The following ANPEP variants were observed in gnomAD, a reference collection of about 807,000 sequenced individuals.
ANPEP encodes the protein alanyl aminopeptidase, membrane.
A neutral mutation model predicts 114.6 loss-of-function variants in ANPEP; 70 were observed. The observed-to-expected ratio is 0.61, with a 90% CI of 0.50 to 0.75. The LOEUF is 0.75. Among genes scored for constraint, ANPEP ranks in the 30% least tolerant of loss-of-function variants. The pLI, the probability that ANPEP is intolerant of heterozygous loss-of-function variation, is 0.00. For missense variants in ANPEP, 1,184 were observed against 1,259.5 expected (o/e 0.94, Z 0.91); for synonymous variants, 548 against 522.3 (o/e 1.05, Z -0.67).
At chr15:89,788,631 T>C (rs1175959150) in intron 20 of ANPEP, among the ~76,000 whole-genome samples, 1 of 152,116 alleles carries the variant, frequency 6.6e-6, no homozygotes, top group African/African-American at 2.4e-5. Context: ...GACAGGGTCT[T>C]GCTCTGTCAC....
At chr15:89,804,126 C>T in intron 6 of ANPEP, 124 bp from the exon 7 acceptor site, 1 of 1,548,620 alleles carries the variant, frequency 6.5e-7, no homozygotes, top group Non-Finnish European at 8.8e-7. Flanking sequence ...CATCGTGACC[C>T]CTTCCTGCTG....
At chr15:89,786,088 T>C (rs1304799486) in intron 20 of ANPEP, among the ~76,000 whole-genome samples, 1 of 152,174 alleles carries the variant, frequency 6.6e-6, no homozygotes, top group African/African-American at 2.4e-5. Context: ...AATACACAAA[T>C]ATCAATTGTA....
Position 89,806,286 on chromosome 15 carries a change from G to A in ANPEP, c.298C>T (p.Leu100=), listed in dbSNP as rs145026743. Residue 100 remains leucine, a synonymous_variant, in exon 2 of 21, where the codon CTG becomes TTG. Transcript: ENST00000300060. This position sits in a 1 kb window ranked among gnomAD's most constrained non-coding sequence, Gnocchi z 5.7. The stretch of plus-strand genomic sequence containing the variant: ...GTGCTGGAGCCCTTAAAAACGTACA[G>A]GCCCCTGTCATTGGGGGTGAGGTAC... ...RPYLTPNDRG[L]YVFKGSSTVR... is the part of the protein sequence containing the mutation. 3,735 of 1,614,198 alleles carry A rather than the reference G, an allele frequency of 2.3e-3. 6 individuals are homozygous for A. Among genetic ancestry groups the A allele is most frequent in the Middle Eastern group, 5.8e-3 (35 of 6,062 alleles).
At chr15:89,807,522 AACCCCGTCTCT>A (rs1468872113) in intron 1 of ANPEP, among the ~76,000 whole-genome samples, 1 of 152,116 alleles carries the variant, frequency 6.6e-6, no homozygotes, top group Non-Finnish European at 1.5e-5. Flanking sequence ...AACATGGCGA[AACCCCGTCTCT>A]ACTAAAAATA....
At chr15:89,808,428 A>G (rs1006314983) in intron 1 of ANPEP, among the ~76,000 whole-genome samples, 1 of 152,204 alleles carries the variant, frequency 6.6e-6, no homozygotes, top group Non-Finnish European at 1.5e-5. Flanking sequence ...TGCAGGCCCC[A>G]TGACAGCAGG....
At chr15:89,807,176 C>A (rs978136118) in intron 1 of ANPEP, among the ~76,000 whole-genome samples, 1 of 152,232 alleles carries the variant, frequency 6.6e-6, no homozygotes, top group African/African-American at 2.4e-5. Flanking sequence ...CCCCTCCCTG[C>A]CGCTTCTTGC....
intron 20 of ANPEP, among the ~76,000 whole-genome samples, chr15:89,789,408 C>A (rs16974181): frequency 6.6e-6 from 1 of 151,962 alleles, no homozygotes; most frequent in Non-Finnish European, 1.5e-5. Context: ...TTTGAATATG[C>A]CTTGGGTATA....
chr15:89,795,577 G>A lies in ANPEP; in HGVS notation c.2157+1998C>T, dbSNP rs117283635. 9.9e-3 allele frequency among the ~76,000 whole-genome samples: 1,506 copies of A among 152,272 alleles called. 16 individuals carry two copies. Among genetic ancestry groups the A allele is most frequent in the Non-Finnish European group, 0.012 (830 of 68,030 alleles). On this transcript the variant is annotated intron_variant, in intron 15 of 20. Coordinates refer to ENST00000300060, the MANE Select transcript of ANPEP (RefSeq NM_001150.3). ...ATTCAAATAACTGGAAATAAGAATG[G>A]CTCTGGGCATCGCATCAGCAACATG...
chr15:89,787,996 A>G (rs528535191), intron 20 of ANPEP, among the ~76,000 whole-genome samples: 4 of 152,328 alleles, frequency 2.6e-5, no homozygotes, highest in East Asian at 1.9e-4. Context: ...AAGTGTAGAC[A>G]TGGAGCAATT....
At chr15:89,808,468 C>T (rs1382298311) in intron 1 of ANPEP, among the ~76,000 whole-genome samples, 1 of 152,254 alleles carries the variant, frequency 6.6e-6, no homozygotes, top group Non-Finnish European at 1.5e-5. Flanking sequence ...CAGTGCCTGG[C>T]ACACAGTAGG....
intron 20 of ANPEP, among the ~76,000 whole-genome samples, chr15:89,786,692 CA>C (rs113402047): frequency 2.0e-3 from 243 of 118,882 alleles, no homozygotes; most frequent in East Asian, 2.6e-3. Flanking sequence ...GACCCTTTCT[CA>C]AAAAAAAAAA....
rs1242225055 is a variant in ANPEP, at chr15:89,805,395, G to A, written c.683C>T (p.Ala228Val). ...RKSFPCFDEPAMKAEFNITLI... is the reference protein window; with the variant it reads ...RKSFPCFDEPVMKAEFNITLI... The stretch of plus-strand genomic sequence containing the variant: ...CGTGATGTTGAACTCGGCCTTCATG[G>A]CCGGCTCATCGAAGCATGGGAAGGA... The change falls in exon 3 of 21, where the codon GCC (alanine) becomes GTC (valine). Residue 228 changes from alanine to valine, a missense_variant. Coordinates refer to ENST00000300060, the MANE Select transcript of ANPEP (RefSeq NM_001150.3). 1.9e-6 allele frequency: 3 copies of A among 1,614,200 alleles called. No homozygotes were observed. The highest frequency in any genetic ancestry group is 3.3e-4 in the Middle Eastern group (2 of 6,060).
Position 89,803,088 on chromosome 15 carries a change from T to A in ANPEP, c.1569+151A>T. On this transcript the variant is annotated intron_variant, in intron 10 of 20. Coordinates refer to ENST00000300060, the MANE Select transcript of ANPEP (RefSeq NM_001150.3). This position sits in a 1 kb window ranked among gnomAD's most constrained non-coding sequence, Gnocchi z 4.2. The stretch of plus-strand genomic sequence containing the variant: ...TGCAAGGAGCCATCCCGGCTTCCAC[T>A]ATAGGGAGGAGCAACAGAGGCTCCA... 4 of 885,746 alleles carry A rather than the reference T, an allele frequency of 4.5e-6. No individual in the cohort carries two copies. In the South Asian group the frequency reaches 5.9e-5, roughly 13 times the overall value. The allele number at this position is 885,746 out of a possible 1,614,324, so 54.9% of individuals were successfully genotyped here.
At chr15:89,813,373 A>T (rs181216563) in intron 1 of ANPEP, among the ~76,000 whole-genome samples, 1 of 152,336 alleles carries the variant, frequency 6.6e-6, no homozygotes, top group East Asian at 1.9e-4. Flanking sequence ...AAGGAGCGCC[A>T]GCGTGTAACG....
rs774266563 is a variant in ANPEP at position 89,801,100 on chromosome 15, G to A, written c.1819+11C>T. 1.4e-5 allele frequency: 22 copies of A among 1,613,516 alleles called. No individual in the cohort carries two copies. The African/African-American group carries it at 2.7e-4, about 20-fold the overall frequency. On this transcript the variant is annotated intron_variant, in intron 12 of 20. Transcript: ENST00000300060. ...GTGGGGGCTGCTGCCCATAAGGCAG[G>A]GCTGGATTACCTCTTACATCTATCA... is the stretch of plus-strand genomic sequence containing the variant.
chr15:89,806,588 A>C lies in ANPEP; in HGVS notation c.-5T>G, dbSNP rs368538328. 8.8e-6 allele frequency: 14 copies of C among 1,586,790 alleles called. No individual in the cohort carries two copies. Among genetic ancestry groups the C allele is most frequent in the Non-Finnish European group, 1.1e-5 (13 of 1,164,112 alleles). On this transcript the variant is annotated 5_prime_UTR_variant, in exon 2 of 21. Coordinates refer to ENST00000300060, the MANE Select transcript of ANPEP (RefSeq NM_001150.3). This position sits in a 1 kb window ranked among gnomAD's most constrained non-coding sequence, Gnocchi z 5.7. ...AATATAGAAGCCCTTGGCCATGGTG[A>C]TGGTGGGGAGGCGGCTCAGGGAGCC...
At chr15:89,796,880 T>C (rs1968738468) in intron 15 of ANPEP, among the ~76,000 whole-genome samples, 1 of 152,246 alleles carries the variant, frequency 6.6e-6, no homozygotes, top group Non-Finnish European at 1.5e-5. Flanking sequence ...ATGGATATTC[T>C]ACAGTTTAAC....
intron 20 of ANPEP, among the ~76,000 whole-genome samples, chr15:89,788,764 CTTATTTATTTATTTAT>C (rs60279331): frequency 8.3e-4 from 120 of 144,110 alleles, no homozygotes; most frequent in South Asian, 6.3e-3. Flanking sequence ...CCATGCCCAG[CTTATTTATTTATTTAT>C]TTATTTATTT....
At chr15:89,804,182 A>G in intron 6 of ANPEP, 71 bp downstream of exon 6, 1 of 1,598,386 alleles carries the variant, frequency 6.3e-7, no homozygotes, top group Non-Finnish European at 8.5e-7. Context: ...CCCGGGGCAG[A>G]GCCTGGACTT....
Sources: allele counts gnomAD v4.1 joint callset (sites outside exome capture counted in the v4.1 genomes callset), GRCh38; gene constraint gnomAD v4.1.1; non-coding constraint Gnocchi (gnomAD v3.1); transcripts MANE v1.5; gene names NCBI Gene and HGNC (gene_info 2026-07-23, HGNC 2026-07-21).